The following VWDE variants were observed in gnomAD, a reference collection of about 807,000 sequenced individuals.
VWDE encodes von Willebrand factor D and EGF domains, also known as von Willebrand factor D and EGF domain-containing protein.
VWDE carries 207 observed loss-of-function variants against 178.4 expected under a neutral mutation model. The ratio of observed to expected loss-of-function variants is 1.16; its 90% confidence interval spans 1.04 to 1.30. The LOEUF (loss-of-function observed/expected upper bound fraction) is 1.30, where lower values mean the gene tolerates loss of function less well. Ranked by LOEUF, VWDE falls within the 50% of genes most tolerant of loss-of-function variation. The probability of loss-of-function intolerance (pLI) is 0.00; values close to 1 mark genes in which losing one functional copy is unlikely to be tolerated. For missense variants in VWDE, 2,287 were observed against 1,901.3 expected, an observed-to-expected ratio of 1.20 and a Z score of -3.77; for synonymous variants, 738 against 651.4, an observed-to-expected ratio of 1.13 and a Z score of -2.02.
rs1781010904 is a variant in VWDE at position 12,336,117 on chromosome 7, A to G, written c.4654+24T>C. The G allele has an allele frequency of 3.3e-6, 5 of 1,533,520 alleles. No individual in the cohort carries two copies. The East Asian group carries it at 1.2e-4, about 38-fold the overall frequency. The allele number at this position is 1,533,520 out of a possible 1,614,324, so 95.0% of individuals were successfully genotyped here. A position where few individuals can be genotyped will look rare whatever the true frequency, so the allele number is the denominator to read the frequency against. On this transcript the variant is annotated intron_variant, in intron 27 of 28. Transcript: ENST00000275358. ...CAGATTCCAATTCAGAACATATAGT[A>G]GGAAAAACATCCTGTGGGCTTACGT... is the stretch of plus-strand genomic sequence containing the variant.
At chr7:12,345,592 T>C (rs937625497) in intron 19 of VWDE, among the ~76,000 whole-genome samples, 1 of 152,154 alleles carries the variant, frequency 6.6e-6, no homozygotes, top group African/African-American at 2.4e-5. Context: ...ATACTGTGTG[T>C]AACCTTGGGA....
Position 12,380,517 on chromosome 7 carries a change from A to C in VWDE, c.758T>G (p.Leu253Arg). ...TTVQAFSLLE[L>R]DGINLRLGDR... is the part of the protein sequence containing the mutation. ...TCCAAGTCTGAGATTTATGCCATCA[A>C]GTTCTAAAAGAGAGAATGCCTGAAC... The change falls in exon 5 of 29, where the codon CTT becomes CGT. Residue 253 changes from leucine to arginine, a missense_variant. Transcript: ENST00000275358. 1.3e-6 allele frequency: 2 copies of C among 1,551,844 alleles called. No homozygotes were observed. Among genetic ancestry groups the C allele is most frequent in the African/African-American group, 1.4e-5 (1 of 73,170 alleles).
chr7:12,389,424 CT>C, intron 2 of VWDE, 66 bp from the exon 3 acceptor site: 1 of 1,173,236 alleles, frequency 8.5e-7, no homozygotes, highest in Non-Finnish European at 1.2e-6. Flanking sequence ...GATATATCAA[CT>C]TTGCATTTTA....
At chr7:12,390,434 T>G (rs1200965788) in intron 2 of VWDE, among the ~76,000 whole-genome samples, 1 of 151,968 alleles carries the variant, frequency 6.6e-6, no homozygotes, top group Non-Finnish European at 1.5e-5. Flanking sequence ...ATAATGCAAC[T>G]TCTACATAGT....
At chr7:12,335,220 T>C (rs544192786) in intron 27 of VWDE, among the ~76,000 whole-genome samples, 10 of 152,306 alleles carry the variant, frequency 6.6e-5, no homozygotes, top group African/African-American at 2.4e-4. Context: ...TTGGAAATAT[T>C]TTGAGGGATT....
intron 3 of VWDE, 84 bp downstream of exon 3, chr7:12,389,043 A>G: frequency 1.0e-6 from 1 of 958,804 alleles, no homozygotes; most frequent in Non-Finnish European, 1.6e-6. Context: ...GATTTGCACT[A>G]ACTCAATACA....
rs1000387054 is a variant in VWDE, at chr7:12,403,668, A to T, written c.49T>A (p.Trp17Arg). The T allele has an allele frequency of 6.5e-7, 1 of 1,545,424 alleles. No homozygotes were observed. Among genetic ancestry groups the T allele is most frequent in the Non-Finnish European group, 8.7e-7 (1 of 1,145,838 alleles). Residue 17 changes from tryptophan (W) to arginine (R), a missense_variant, in exon 1 of 29, where the codon TGG becomes AGG. By Grantham distance (101) the Trp-to-Arg change is moderately radical (BLOSUM62 -3). Coordinates refer to ENST00000275358, the MANE Select transcript of VWDE (RefSeq NM_001135924.3). ...VLVIALMFLA[W>R]GEAQECSPGG... is the part of the protein sequence containing the mutation. ...GCCCTACCTCGCTTACCTTCCCCCCAGGCCAGGAACATCAGCGCGATCACC... is the reference window on the plus strand; with the variant it reads ...GCCCTACCTCGCTTACCTTCCCCCCTGGCCAGGAACATCAGCGCGATCACC...
intron 9 of VWDE, among the ~76,000 whole-genome samples, 192 bp from the exon 10 acceptor site, chr7:12,373,439 C>T (rs1783329622): frequency 1.3e-5 from 2 of 152,118 alleles, no homozygotes; most frequent in South Asian, 4.1e-4. Flanking sequence ...AAGCTGCTCT[C>T]CTTGAGCAGG....
At chr7:12,356,579 T>G (rs895621465) in intron 17 of VWDE, among the ~76,000 whole-genome samples, 3 of 152,028 alleles carry the variant, frequency 2.0e-5, no homozygotes, top group African/African-American at 7.2e-5. Context: ...AAAAAAAAAG[T>G]TACAAGATGA....
At chr7:12,370,538 T>C (rs143534109) in intron 11 of VWDE, 29 bp from the exon 12 acceptor site, 1 of 1,530,262 alleles carries the variant, frequency 6.5e-7, no homozygotes, top group African/African-American at 1.4e-5. Context: ...GAAAGAATAG[T>C]AATTTTGTAC....
At chr7:12,391,236 GTTCT>G (rs2128561713) in intron 2 of VWDE, among the ~76,000 whole-genome samples, 1 of 152,212 alleles carries the variant, frequency 6.6e-6, no homozygotes, top group South Asian at 2.1e-4. Context: ...TTCCATTCCT[GTTCT>G]TTATTTCCTA....
Position 12,389,186 on chromosome 7 carries a change from CCA to C in VWDE, c.414_415del (p.Cys138TrpfsTer24). 6 of 1,551,906 alleles carry C rather than the reference CCA, an allele frequency of 3.9e-6. No homozygotes were observed. Among genetic ancestry groups the C allele is most frequent in the Non-Finnish European group, 5.2e-6 (6 of 1,147,036 alleles). Reference sequence around the variant, plus strand: ...TTGTAGTAAGTATACAGAAAAGTTCCCACAGTTTCTTACAGACACTGGGATTT... The same window carrying C: ...TTGTAGTAAGTATACAGAAAAGTTCCCAGTTTCTTACAGACACTGGGATTT... On this transcript the variant is annotated frameshift_variant, in exon 3 of 29. Transcript: ENST00000275358. LOFTEE classifies it high-confidence loss of function.
chr7:12,356,342 A>G lies in VWDE; in HGVS notation c.3526-12T>C. ...GACTTCACAGTCACCTACAAAACAA[A>G]AAAAAAGGAAATGTCTTATTTTTCA... is the stretch of plus-strand genomic sequence containing the variant. On this transcript the variant is annotated splice_polypyrimidine_tract_variant and intron_variant, in intron 17 of 28. Transcript: ENST00000275358. 1 of 1,542,972 alleles carries G rather than the reference A, an allele frequency of 6.5e-7. No homozygotes were observed. The highest frequency in any genetic ancestry group is 8.8e-7 in the Non-Finnish European group (1 of 1,141,938).
At position 12,356,376 on chromosome 7, in the gene VWDE, A is replaced by G. The variant is rs765243294; in HGVS notation, c.3526-46T>C. On this transcript the variant is annotated intron_variant, in intron 17 of 28. Transcript: ENST00000275358. ...AAATGTCTTATTTTTCAATAAAATTATCTTCAGTTTATGCCCCAGAAATCA... is the reference window on the plus strand; with the variant it reads ...AAATGTCTTATTTTTCAATAAAATTGTCTTCAGTTTATGCCCCAGAAATCA... 6.0e-6 allele frequency: 9 copies of G among 1,488,154 alleles called. No individual in the cohort carries two copies. In the South Asian group the frequency reaches 7.3e-5, roughly 12 times the overall value. 92.2% of individuals were successfully genotyped at this position (1,488,154 alleles called of 1,614,324 possible). A position where few individuals can be genotyped will look rare whatever the true frequency, so the allele number is the denominator to read the frequency against.
chr7:12,385,474 C>T (rs1189621344), intron 3 of VWDE, among the ~76,000 whole-genome samples: 1 of 152,124 alleles, frequency 6.6e-6, no homozygotes, highest in Non-Finnish European at 1.5e-5. Flanking sequence ...TCTCTTTCAC[C>T]TTTTGAACTT....
At position 12,344,478 on chromosome 7, in the gene VWDE, A is replaced by G. The variant is rs1396676241; in HGVS notation, c.3887-9T>C. On this transcript the variant is annotated splice_polypyrimidine_tract_variant and intron_variant, in intron 19 of 28. Transcript: ENST00000275358. ...TGGATATTTACAAATGGCTAAAAAA[A>G]AATCAAAGAAAAAAAGGTTGATTGC... 1.9e-6 allele frequency: 3 copies of G among 1,542,956 alleles called. No individual in the cohort carries two copies. The highest frequency in any genetic ancestry group is 2.4e-5 in the East Asian group (1 of 40,844).
Position 12,361,663 on chromosome 7 carries a change from G to A in VWDE, c.2899-142C>T, listed in dbSNP as rs1244670603. 5.5e-6 allele frequency: 4 copies of A among 727,158 alleles called. No individual in the cohort carries two copies. The African/African-American group carries it at 7.3e-5, about 13-fold the overall frequency. The allele number at this position is 727,158 out of a possible 1,614,324, so 45.0% of individuals were successfully genotyped here. A position where few individuals can be genotyped will look rare whatever the true frequency, so the allele number is the denominator to read the frequency against. ...ATAACAGGGAAACAAAAGTCACATT[G>A]GGAGTGAGTTTTATTCAGAATAACG... is the stretch of plus-strand genomic sequence containing the variant. On this transcript the variant is annotated intron_variant, in intron 13 of 28. Transcript: ENST00000275358.
intron 13 of VWDE, among the ~76,000 whole-genome samples, chr7:12,361,968 T>C (rs779319403): frequency 1.3e-4 from 20 of 152,040 alleles, no homozygotes; most frequent in South Asian, 2.1e-4. Flanking sequence ...CTCATATTCC[T>C]ATATGACCAA....
chr7:12,402,737 T>C (rs925676626), intron 1 of VWDE, among the ~76,000 whole-genome samples: 19 of 152,220 alleles, frequency 1.2e-4, no homozygotes, highest in African/African-American at 4.3e-4. Flanking sequence ...TTGATTTTAG[T>C]ATTTTATTTT....
Sources: gnomAD v4.1 joint callset for allele counts (sites outside exome capture counted in the v4.1 genomes callset) on GRCh38, gnomAD v4.1.1 for gene constraint, MANE v1.5 for transcripts, NCBI Gene and HGNC (gene_info 2026-07-23, HGNC 2026-07-21) for gene names.